The following FMO5 variants were observed in gnomAD, a reference collection of about 807,000 sequenced individuals.
The protein encoded by FMO5 is flavin containing dimethylaniline monoxygenase 5.
Under a neutral mutation model 43.6 loss-of-function variants are expected in FMO5, and 51 were observed. That is an observed-to-expected ratio of 1.17 (90% CI 0.93 to 1.48). The LOEUF (loss-of-function observed/expected upper bound fraction) is 1.48, where lower values mean the gene tolerates loss of function less well. Ranked by LOEUF, FMO5 falls within the 40% of genes most tolerant of loss-of-function variation. The pLI is 0.00. For synonymous variants in FMO5, 187 were observed against 216.5 expected, an observed-to-expected ratio of 0.86 and a Z score of 1.20; for missense variants, 644 against 643.0, an observed-to-expected ratio of 1.00 and a Z score of -0.02.
intron 6 of FMO5, among the ~76,000 whole-genome samples, chr1:147,207,867 AGGTAAT>A (rs1660369310): frequency 6.6e-6 from 1 of 152,144 alleles, no homozygotes; most frequent in Non-Finnish European, 1.5e-5. Context: ...CTGGGTCAGG[AGGTAAT>A]GGTATGGGGA....
chr1:147,203,535 T>C (rs1341265192), intron 6 of FMO5: 11 of 912,320 alleles, frequency 1.2e-5, no homozygotes, highest in Non-Finnish European at 2.0e-5. Context: ...TAGAGATTAC[T>C]TCATTGGCCT....
chr1:147,224,456 G>A (rs1317812130), intron 2 of FMO5: 1 of 159,202 alleles, frequency 6.3e-6, no homozygotes, highest in Non-Finnish European at 1.4e-5. Context: ...TGTCAGTTTG[G>A]AGATCAATAA....
intron 2 of FMO5, among the ~76,000 whole-genome samples, chr1:147,219,778 A>G (rs938434055): frequency 3.3e-5 from 5 of 151,606 alleles, no homozygotes; most frequent in Admixed American, 6.6e-5. Flanking sequence ...AAAAACTCCT[A>G]GAGTCAACAA....
chr1:147,226,074 G>A (rs587615478), upstream of FMO5, among the ~76,000 whole-genome samples: 1 of 150,572 alleles, frequency 6.6e-6, no homozygotes, highest in Non-Finnish European at 1.5e-5. Flanking sequence ...AGGGCCGGGT[G>A]GTGGTGCCAA....
intron 4 of FMO5, among the ~76,000 whole-genome samples, 182 bp from the exon 5 acceptor site, chr1:147,212,717 G>A (rs1209969454): frequency 1.3e-5 from 2 of 152,046 alleles, no homozygotes; most frequent in African/African-American, 4.8e-5. Flanking sequence ...TAGCCTCAGA[G>A]TAGTACCTTG....
At chr1:147,191,437 A>G (rs1553918436) in intron 7 of FMO5, among the ~76,000 whole-genome samples, 1 of 152,138 alleles carries the variant, frequency 6.6e-6, no homozygotes, top group Non-Finnish European at 1.5e-5. Flanking sequence ...ATGGCCAGCG[A>G]TGATGAGAAT....
chr1:147,196,265 T>C (rs1054269995), intron 7 of FMO5, among the ~76,000 whole-genome samples: 5 of 152,138 alleles, frequency 3.3e-5, no homozygotes, highest in Non-Finnish European at 7.3e-5. Flanking sequence ...TGTTTTTACA[T>C]TTTAGCCATG....
chr1:147,217,383 T>C (rs931781184), intron 2 of FMO5, among the ~76,000 whole-genome samples: 1 of 152,220 alleles, frequency 6.6e-6, no homozygotes, highest in Admixed American at 6.5e-5. Context: ...TTCAAATTTT[T>C]AGATTTTCAA....
chr1:147,204,323 C>G, intron 6 of FMO5: 1 of 961,762 alleles, frequency 1.0e-6, no homozygotes, highest in Non-Finnish European at 1.7e-6. Flanking sequence ...ATTTTACAAA[C>G]TCTGATGTTA....
chr1:147,186,700 T>G lies in FMO5; in HGVS notation c.*200A>C. ...GATTACCACAAGGAAGAGTGACGGA[T>G]CATGAGTGGAAGGGAGATGAGTTAA... On this transcript the variant is annotated 3_prime_UTR_variant, in exon 9 of 9. Transcript: ENST00000254090. 7.1e-6 allele frequency: 10 copies of G among 1,399,606 alleles called. No homozygotes were observed. Among genetic ancestry groups the G allele is most frequent in the Non-Finnish European group, 9.2e-6 (10 of 1,081,652 alleles). The allele number at this position is 1,399,606 out of a possible 1,614,324, so 86.7% of individuals were successfully genotyped here.
chr1:147,211,864 G>A (rs1156869422), intron 5 of FMO5, among the ~76,000 whole-genome samples: 1 of 152,200 alleles, frequency 6.6e-6, no homozygotes, highest in Non-Finnish European at 1.5e-5. Context: ...CTACAGTTTG[G>A]ACGCTATACG....
At chr1:147,222,595 A>G (rs1553926531) in intron 2 of FMO5, among the ~76,000 whole-genome samples, 2 of 152,346 alleles carry the variant, frequency 1.3e-5, no homozygotes, top group East Asian at 3.9e-4. Context: ...AAATGGAGAT[A>G]GTAGAATACA....
Position 147,186,997 on chromosome 1 carries a change from C to T in FMO5, c.1505G>A (p.Arg502Lys), listed in dbSNP as rs1370260244. ...CATAGAACTACTCCTTTCAACTACT[C>T]TTGTCATCAGAGGCTTCCTGATGCG... ...DDRIRKPLMT[R>K]VVERSSSMTS... Residue 502 changes from arginine (R) to lysine (K), a missense_variant, in exon 9 of 9, where the codon AGA becomes AAA. Coordinates refer to ENST00000254090, the MANE Select transcript of FMO5 (RefSeq NM_001461.4). 6.2e-7 allele frequency: 1 copy of T among 1,614,038 alleles called. No individual in the cohort carries two copies. Among genetic ancestry groups the T allele is most frequent in the African/African-American group, 1.3e-5 (1 of 74,920 alleles).
chr1:147,193,881 A>C (rs1342481052), intron 7 of FMO5, among the ~76,000 whole-genome samples: 1 of 152,074 alleles, frequency 6.6e-6, no homozygotes, highest in Non-Finnish European at 1.5e-5. Context: ...ACAGTTTGTT[A>C]TAATTTCTGT....
intron 6 of FMO5, chr1:147,204,977 C>T (rs1404690404): frequency 1.7e-6 from 2 of 1,145,532 alleles, no homozygotes. Flanking sequence ...CAGAAGACCG[C>T]GGAGGAACCA....
chr1:147,207,571 C>T (rs187029458), intron 6 of FMO5, among the ~76,000 whole-genome samples: 11 of 152,152 alleles, frequency 7.2e-5, no homozygotes, highest in Non-Finnish European at 1.2e-4. Flanking sequence ...TTTGAGTCTG[C>T]CATTTATTAT....
intron 6 of FMO5, among the ~76,000 whole-genome samples, chr1:147,203,113 C>T (rs7543331): frequency 0.32 from 5,905 of 18,236 alleles, 178 homozygotes; most frequent in South Asian, 0.46. Flanking sequence ...CCAAAGGTTT[C>T]CTTTTTTTTT....
Position 147,186,963 on chromosome 1 carries a change from T to C in FMO5, c.1539A>G (p.Thr513=). The C allele has an allele frequency of 6.2e-7, 1 of 1,614,194 alleles. No homozygotes were observed. The highest frequency in any genetic ancestry group is 1.1e-5 in the South Asian group (1 of 91,078). The change falls in exon 9 of 9, where the codon ACA becomes ACG. Residue 513 remains threonine, a synonymous_variant. Coordinates refer to ENST00000254090, the MANE Select transcript of FMO5 (RefSeq NM_001461.4). ...CTAGCATAAACTTGCCTATTGTCAT[T>C]GTTGAAGTCATAGAACTACTCCTTT... ...VVERSSSMTS[T]MTIGKFMLAL...
intron 5 of FMO5, chr1:147,209,851 C>T (rs1660806671): frequency 6.6e-6 from 1 of 152,150 alleles, no homozygotes; most frequent in African/African-American, 2.4e-5. Flanking sequence ...ATCTAAAACC[C>T]TCATTCTTTT....
Sources: gnomAD v4.1 joint callset for allele counts (sites outside exome capture counted in the v4.1 genomes callset) on GRCh38, gnomAD v4.1.1 for gene constraint, MANE v1.5 for transcripts, NCBI Gene and HGNC (gene_info 2026-07-23, HGNC 2026-07-21) for gene names.